CEP126: variants seen among roughly 807,000 people sequenced by gnomAD.
CEP126 encodes the protein centrosomal protein of 126 kDa.
A neutral mutation model predicts 107.8 loss-of-function variants in CEP126; 74 were observed. The ratio of observed to expected loss-of-function variants is 0.69; its 90% CI spans 0.57 to 0.83. CEP126 has a LOEUF of 0.83. Ranked by LOEUF, CEP126 falls within the 40% of genes least tolerant of loss-of-function variation. The pLI, the probability that CEP126 is intolerant of heterozygous loss-of-function variation, is 0.00. For synonymous variants in CEP126, 449 were observed against 446.0 expected (o/e 1.01, Z -0.08); for missense variants, 1,237 against 1,281.9 (o/e 0.96, Z 0.53).
intron 10 of CEP126, 61 bp from the exon 11 acceptor site, chr11:101,997,538 G>A: frequency 6.2e-7 from 1 of 1,612,680 alleles, no homozygotes; most frequent in Non-Finnish European, 8.5e-7. Flanking sequence ...TGTCAGCCTA[G>A]TTTGTAGCTG....
intron 1 of CEP126, among the ~76,000 whole-genome samples, chr11:101,919,312 G>C (rs1261404799): frequency 6.6e-6 from 1 of 152,184 alleles, no homozygotes; most frequent in South Asian, 2.1e-4. Context: ...ATAGTTATTT[G>C]TGATGGCAAC....
At chr11:101,960,879 A>G (rs570787069) in intron 5 of CEP126, among the ~76,000 whole-genome samples, 1 of 152,042 alleles carries the variant, frequency 6.6e-6, no homozygotes, top group African/African-American at 2.4e-5. Context: ...CTTAAAATTT[A>G]TTTCTATATA....
intron 6 of CEP126, among the ~76,000 whole-genome samples, chr11:101,971,311 T>A (rs1380891475): frequency 6.7e-6 from 1 of 149,752 alleles, no homozygotes; most frequent in East Asian, 2.1e-4. Context: ...AACAACAGAT[T>A]TTTCATAATA....
chr11:101,963,545 CTT>C lies in CEP126; in HGVS notation c.2513_2514del (p.Phe838Ter), dbSNP rs757209799. On this transcript the variant is annotated frameshift_variant, in exon 6 of 11. Transcript: ENST00000263468. LOFTEE classifies it high-confidence loss of function. ...CCTCAAAACATTATTACACATAACTCTTTTAATTCAAAACATGTGCTTCCAAC... is the reference window on the plus strand; with the variant it reads ...CCTCAAAACATTATTACACATAACTCTTAATTCAAAACATGTGCTTCCAAC... 2.5e-6 allele frequency: 4 copies of C among 1,614,098 alleles called. No individual in the cohort carries two copies. Among genetic ancestry groups the C allele is most frequent in the Non-Finnish European group, 3.4e-6 (4 of 1,180,008 alleles).
chr11:101,921,782 T>C (rs898886333), intron 1 of CEP126, among the ~76,000 whole-genome samples: 1 of 129,870 alleles, frequency 7.7e-6, no homozygotes, highest in African/African-American at 2.9e-5. Flanking sequence ...GATTTCTTTT[T>C]TTTTTTTTTT....
intron 7 of CEP126, among the ~76,000 whole-genome samples, chr11:101,981,661 T>C (rs1431755453): frequency 6.6e-6 from 1 of 152,152 alleles, no homozygotes; most frequent in East Asian, 1.9e-4. Context: ...TATCATAATC[T>C]GAAAATTTTT....
At chr11:101,955,483 C>G (rs1257467699) in intron 4 of CEP126, among the ~76,000 whole-genome samples, 1 of 152,118 alleles carries the variant, frequency 6.6e-6, no homozygotes, top group African/African-American at 2.4e-5. Context: ...CCTCTATTTG[C>G]CCTTTGAACT....
At chr11:101,957,086 T>C in intron 4 of CEP126, 1 of 256,696 alleles carries the variant, frequency 3.9e-6, no homozygotes, top group Non-Finnish European at 7.6e-6. Flanking sequence ...CAGGAACTTG[T>C]ATTAAATACC....
At position 101,963,685 on chromosome 11, in the gene CEP126, C is replaced by G; in HGVS notation, c.2650C>G (p.Gln884Glu). Residue 884 changes from glutamine (Q) to glutamate (E), a missense_variant, in exon 6 of 11, where the codon CAA (glutamine) becomes GAA (glutamate). Physicochemically the swap from Gln to Glu is conservative, Grantham distance 29 (BLOSUM62 2). Coordinates refer to ENST00000263468, the MANE Select transcript of CEP126 (RefSeq NM_020802.4). ...SLPSYCSSEC[Q>E]TFAKINHSNG... ...GCCATCATATTGTTCTTCAGAGTGC[C>G]AAACTTTCGCAAAAATAAATCATTC... 6.2e-7 allele frequency: 1 copy of G among 1,614,088 alleles called. No individual in the cohort carries two copies. Among genetic ancestry groups the G allele is most frequent in the Non-Finnish European group, 8.5e-7 (1 of 1,180,018 alleles).
chr11:101,923,421 C>G (rs1940361457), intron 2 of CEP126, among the ~76,000 whole-genome samples: 1 of 152,072 alleles, frequency 6.6e-6, no homozygotes, highest in Admixed American at 6.6e-5. Context: ...TGAGACAGAG[C>G]AGTTATGCCA....
chr11:101,931,963 A>C (rs918369780), intron 2 of CEP126, among the ~76,000 whole-genome samples: 1 of 152,212 alleles, frequency 6.6e-6, no homozygotes, highest in African/African-American at 2.4e-5. Flanking sequence ...GGTGCTCTAC[A>C]TGTTTCATGA....
Position 101,999,454 on chromosome 11 carries a change from T to A in CEP126, c.*1811T>A. 7.3e-6 allele frequency: 1 copy of A among 137,556 alleles called. No individual in the cohort carries two copies. The allele number at this position is 137,556 out of a possible 1,614,324, so 8.5% of individuals were successfully genotyped here. ...AATGCCTCTACAAGCAAAAAGATAGTTGAAAATAGTTAAGATCCAAAGTCA... is the reference window on the plus strand; with the variant it reads ...AATGCCTCTACAAGCAAAAAGATAGATGAAAATAGTTAAGATCCAAAGTCA... On this transcript the variant is annotated 3_prime_UTR_variant, in exon 11 of 11. Transcript: ENST00000263468.
chr11:101,987,888 T>G (rs1239873858), intron 9 of CEP126, among the ~76,000 whole-genome samples: 1 of 152,134 alleles, frequency 6.6e-6, no homozygotes, highest in Non-Finnish European at 1.5e-5. Context: ...AAAGTACATT[T>G]ATGTATCTTC....
At chr11:101,966,490 C>G (rs539170291) in intron 6 of CEP126, among the ~76,000 whole-genome samples, 1 of 152,156 alleles carries the variant, frequency 6.6e-6, no homozygotes, top group Non-Finnish European at 1.5e-5. Context: ...CTAGGAAAAA[C>G]TCTTCCAATT....
chr11:101,973,797 T>C (rs561271108), intron 6 of CEP126, among the ~76,000 whole-genome samples: 2 of 152,358 alleles, frequency 1.3e-5, no homozygotes, highest in South Asian at 4.1e-4. Context: ...TGATAACTTA[T>C]ATTGTCCTCA....
chr11:101,984,284 G>C (rs1392116851), intron 8 of CEP126, among the ~76,000 whole-genome samples: 1 of 152,162 alleles, frequency 6.6e-6, no homozygotes, highest in Admixed American at 6.5e-5. Flanking sequence ...AGACACAATT[G>C]TGCATTCCTG....
chr11:101,941,612 A>C (rs1940665507), intron 2 of CEP126, among the ~76,000 whole-genome samples: 1 of 152,112 alleles, frequency 6.6e-6, no homozygotes, highest in Non-Finnish European at 1.5e-5. Flanking sequence ...AATGGGTATA[A>C]AAATATCTGA....
intron 4 of CEP126, among the ~76,000 whole-genome samples, chr11:101,953,415 TCACA>T (rs1173774649): frequency 6.6e-6 from 1 of 152,050 alleles, no homozygotes; most frequent in Non-Finnish European, 1.5e-5. Context: ...AACCCTTTAC[TCACA>T]CACTAATATA....
chr11:101,957,502 T>A (rs1008997636), intron 4 of CEP126, among the ~76,000 whole-genome samples: 2 of 152,154 alleles, frequency 1.3e-5, no homozygotes, highest in Non-Finnish European at 2.9e-5. Context: ...ACTGAAAATG[T>A]TTGGATGGCC....
Sources: allele counts gnomAD v4.1 joint callset (sites outside exome capture counted in the v4.1 genomes callset), GRCh38; gene constraint gnomAD v4.1.1; transcripts MANE v1.5; gene names NCBI Gene and HGNC (gene_info 2026-07-23, HGNC 2026-07-21).